SYTL3: variants seen among roughly 807,000 people sequenced by gnomAD.
SYTL3 encodes the protein synaptotagmin-like protein 3.
Under a neutral mutation model 82.1 loss-of-function variants are expected in SYTL3, and 88 were observed. The ratio of observed to expected loss-of-function variants is 1.07; its 90% CI spans 0.90 to 1.28. SYTL3 has a LOEUF of 1.28. SYTL3 is among the 50% of genes most tolerant of loss of function. SYTL3 has a pLI of 0.00. For synonymous variants in SYTL3, 311 were observed against 289.4 expected, an observed-to-expected ratio of 1.07 and a Z score of -0.76; for missense variants, 831 against 757.6, an observed-to-expected ratio of 1.10 and a Z score of -1.14.
At chr6:158,743,766 A>G (rs1787242817) in intron 11 of SYTL3, among the ~76,000 whole-genome samples, 1 of 151,256 alleles carries the variant, frequency 6.6e-6, no homozygotes, top group African/African-American at 2.4e-5. Flanking sequence ...TGAGTGTGTA[A>G]AAATTTTACA....
intron 6 of SYTL3, among the ~76,000 whole-genome samples, chr6:158,703,441 C>T (rs1781562125): frequency 6.6e-6 from 1 of 152,212 alleles, no homozygotes; most frequent in Non-Finnish European, 1.5e-5. Flanking sequence ...CTGTGAGCAT[C>T]TCACAGCTCC....
intron 3 of SYTL3, among the ~76,000 whole-genome samples, chr6:158,662,268 A>T (rs1486370833): frequency 6.6e-6 from 1 of 152,236 alleles, no homozygotes; most frequent in Non-Finnish European, 1.5e-5. Context: ...GGATAAAAGG[A>T]TGTATGCAGA....
rs1382999130 is a variant in SYTL3 at position 158,764,785 on chromosome 6, A to G, written c.*181A>G. On this transcript the variant is annotated 3_prime_UTR_variant, in exon 18 of 18. Coordinates refer to ENST00000611299, the MANE Select transcript of SYTL3 (RefSeq NM_001242394.2). The stretch of plus-strand genomic sequence containing the variant: ...ATCTGTGTATATTTACGTTAAACAC[A>G]ATTATGTTACCTAAGCCTCTGGTGG... The G allele has an allele frequency of 1.5e-5, 8 of 519,156 alleles. No individual in the cohort carries two copies. The highest frequency in any genetic ancestry group is 2.4e-5 in the Non-Finnish European group (7 of 290,538). The allele number at this position is 519,156 out of a possible 1,614,324, so 32.2% of individuals were successfully genotyped here.
chr6:158,658,022 A>G (rs1050579974), intron 2 of SYTL3, among the ~76,000 whole-genome samples: 3 of 152,002 alleles, frequency 2.0e-5, no homozygotes, highest in African/African-American at 7.2e-5. Context: ...CCTCCCAAGT[A>G]GGTGGGACTA....
chr6:158,660,062 C>T (rs545003725), intron 2 of SYTL3, among the ~76,000 whole-genome samples: 2 of 152,072 alleles, frequency 1.3e-5, no homozygotes, highest in Admixed American at 6.5e-5. Flanking sequence ...GTCAGGAGTT[C>T]GAGACCAGCC....
intron 4 of SYTL3, 60 bp downstream of exon 4, chr6:158,663,438 C>A: frequency 6.3e-7 from 1 of 1,588,028 alleles, no homozygotes; most frequent in Non-Finnish European, 8.6e-7. Context: ...TTGGGGCCTG[C>A]CACTCCGTCG....
intron 2 of SYTL3, among the ~76,000 whole-genome samples, chr6:158,654,551 T>C (rs1788441302): frequency 6.6e-6 from 1 of 152,176 alleles, no homozygotes; most frequent in African/African-American, 2.4e-5. Context: ...CTCTTGGGCC[T>C]TCCTGAAGGG....
intron 8 of SYTL3, among the ~76,000 whole-genome samples, chr6:158,709,422 T>C (rs1782511615): frequency 6.6e-6 from 1 of 152,124 alleles, no homozygotes; most frequent in African/African-American, 2.4e-5. Flanking sequence ...CAAAGTACGG[T>C]TTCTACTGAA....
At chr6:158,709,904 A>G (rs533409668) in intron 8 of SYTL3, among the ~76,000 whole-genome samples, 2 of 152,358 alleles carry the variant, frequency 1.3e-5, no homozygotes, top group South Asian at 4.1e-4. Context: ...ATGTGGTAGC[A>G]CATGCCTGTA....
At chr6:158,732,672 A>G (rs1243455687) in intron 11 of SYTL3, among the ~76,000 whole-genome samples, 1 of 152,212 alleles carries the variant, frequency 6.6e-6, no homozygotes, top group Non-Finnish European at 1.5e-5. Flanking sequence ...TCCAATGACG[A>G]AGGAAAAATT....
At chr6:158,699,874 G>GC (rs2128438700) in intron 6 of SYTL3, among the ~76,000 whole-genome samples, 1 of 152,110 alleles carries the variant, frequency 6.6e-6, no homozygotes, top group East Asian at 1.9e-4. Flanking sequence ...TTGAACCAGG[G>GC]GCGCGAAGGT....
Position 158,663,107 on chromosome 6 carries a change from G to A in SYTL3, c.-162G>A. 3.2e-6 allele frequency: 2 copies of A among 615,458 alleles called. No individual in the cohort carries two copies. The highest frequency in any genetic ancestry group is 4.1e-5 in the South Asian group (2 of 49,210). The allele number at this position is 615,458 out of a possible 1,614,324, so 38.1% of individuals were successfully genotyped here. A position where few individuals can be genotyped will look rare whatever the true frequency, so the allele number is the denominator to read the frequency against. On this transcript the variant is annotated 5_prime_UTR_variant, in exon 4 of 18. Transcript: ENST00000611299. ...CTAAGGAGTATGACACAGTTAAAAA[G>A]GAAAAAAGAACCACAAGCAAAACAG...
chr6:158,705,916 G>A (rs987963807), intron 6 of SYTL3, among the ~76,000 whole-genome samples: 2 of 152,126 alleles, frequency 1.3e-5, no homozygotes, highest in East Asian at 1.9e-4. Flanking sequence ...GATGAGCAGC[G>A]TGGCTGTTTT....
At chr6:158,695,327 T>TA (rs1418335670) in intron 6 of SYTL3, among the ~76,000 whole-genome samples, 1 of 152,234 alleles carries the variant, frequency 6.6e-6, no homozygotes, top group Admixed American at 6.5e-5. Flanking sequence ...CAAGGTGAAG[T>TA]AATTGAACTG....
intron 11 of SYTL3, among the ~76,000 whole-genome samples, chr6:158,726,978 T>C (rs1480652624): frequency 6.6e-6 from 1 of 151,374 alleles, no homozygotes; most frequent in East Asian, 2.0e-4. Context: ...GCCTCCCAAG[T>C]AGCTGGCACT....
intron 6 of SYTL3, among the ~76,000 whole-genome samples, chr6:158,691,286 G>T (rs536774247): frequency 2.0e-5 from 3 of 151,880 alleles, no homozygotes; most frequent in African/African-American, 4.8e-5. Context: ...GGCGGAGGTT[G>T]CAGTGAGCCA....
chr6:158,681,286 C>T (rs970805280), intron 5 of SYTL3, among the ~76,000 whole-genome samples: 7 of 152,002 alleles, frequency 4.6e-5, no homozygotes, highest in African/African-American at 1.4e-4. Context: ...AGAGGAAAAC[C>T]CATGTTAGGA....
intron 10 of SYTL3, among the ~76,000 whole-genome samples, chr6:158,723,034 G>A (rs1009331945): frequency 9.3e-5 from 14 of 150,974 alleles, no homozygotes; most frequent in East Asian, 1.9e-4. Flanking sequence ...CCAAAGTGCC[G>A]GGATTACAAG....
At chr6:158,717,362 G>A (rs919824966) in intron 9 of SYTL3, among the ~76,000 whole-genome samples, 9 of 150,638 alleles carry the variant, frequency 6.0e-5, no homozygotes, top group African/African-American at 2.2e-4. Flanking sequence ...AAAATTGTAT[G>A]TGTGACTTGC....
Sources: gnomAD v4.1 joint callset for allele counts (sites outside exome capture counted in the v4.1 genomes callset) on GRCh38, gnomAD v4.1.1 for gene constraint, MANE v1.5 for transcripts, NCBI Gene and HGNC (gene_info 2026-07-23, HGNC 2026-07-21) for gene names.